DCC: variants seen among roughly 807,000 people sequenced by gnomAD.
The protein encoded by DCC is DCC netrin 1 receptor, also known as netrin receptor DCC.
In DCC, 58 loss-of-function variants were observed where a neutral mutation model predicts 172.5. The observed-to-expected ratio is 0.34, with a 90% CI of 0.27 to 0.42. DCC has a LOEUF of 0.42. Ranked by LOEUF, DCC falls within the 10% of genes least tolerant of loss-of-function variation. DCC has a pLI of 1.00. For missense variants in DCC, 1,740 were observed against 1,791.0 expected (o/e 0.97, Z 0.51); for synonymous variants, 709 against 644.5 (o/e 1.10, Z -1.52).
chr18:52,834,974 T>G (rs943655569), intron 2 of DCC, among the ~76,000 whole-genome samples: 3 of 152,218 alleles, frequency 2.0e-5, no homozygotes, highest in African/African-American at 7.2e-5. Flanking sequence ...TGCTCGATAT[T>G]AAACTATTTC....
intron 1 of DCC, among the ~76,000 whole-genome samples, chr18:52,652,825 AG>A (rs1345592961): frequency 6.6e-6 from 1 of 151,614 alleles, no homozygotes; most frequent in Non-Finnish European, 1.5e-5. Flanking sequence ...TGCCTTCATC[AG>A]GGGACTGGTT....
At chr18:52,957,049 C>G (rs1015803197) in intron 5 of DCC, among the ~76,000 whole-genome samples, 1 of 152,080 alleles carries the variant, frequency 6.6e-6, no homozygotes, top group Admixed American at 6.6e-5. Context: ...AGACAATTCT[C>G]TCAACACTAG....
At position 53,459,374 on chromosome 18, in the gene DCC, C is replaced by T. The variant is rs2045522721; in HGVS notation, c.3535C>T (p.Pro1179Ser). Residue 1179 changes from proline to serine, a missense_variant, in exon 24 of 29, where the codon CCC becomes TCC. Physicochemically the swap from Pro to Ser is moderately conservative, Grantham distance 74. This residue lies in a region of DCC where 1,732 missense variants were observed against 1,767.4 expected (regional missense o/e 0.98). Coordinates refer to ENST00000442544, the MANE Select transcript of DCC (RefSeq NM_005215.4). ...SGTDPAGRDSPIQSCQDLTPV... is the reference protein window; with the variant it reads ...SGTDPAGRDSSIQSCQDLTPV... ...CACTGACCCTGCAGGAAGGGACTCT[C>T]CCATCCAAAGTTGCCAAGACCTCAC... 1.2e-6 allele frequency: 2 copies of T among 1,613,854 alleles called. No individual in the cohort carries two copies. The highest frequency in any genetic ancestry group is 2.7e-5 in the African/African-American group (2 of 74,896).
At chr18:53,160,805 AT>A (rs1359286316) in intron 8 of DCC, among the ~76,000 whole-genome samples, 6 of 152,174 alleles carry the variant, frequency 3.9e-5, no homozygotes, top group African/African-American at 1.4e-4. Flanking sequence ...TTCATGTAAT[AT>A]AAGAAGGGGA....
At chr18:52,474,206 T>TAGAG (rs61277582) in intron 1 of DCC, among the ~76,000 whole-genome samples, 3,255 of 100,596 alleles carry the variant, frequency 0.032, 88 homozygotes, top group African/African-American at 0.09. Flanking sequence ...GTAACAGACC[T>TAGAG]AGAGAGAGAG....
At chr18:52,791,447 T>A (rs1051281972) in intron 2 of DCC, among the ~76,000 whole-genome samples, 2 of 151,842 alleles carry the variant, frequency 1.3e-5, no homozygotes, top group African/African-American at 4.8e-5. Context: ...AGTGGAGGCG[T>A]TCCCCCTGCT....
At chr18:53,141,264 G>A (rs1454008600) in intron 7 of DCC, among the ~76,000 whole-genome samples, 1 of 152,148 alleles carries the variant, frequency 6.6e-6, no homozygotes, top group African/African-American at 2.4e-5. Flanking sequence ...TGAATATAGG[G>A]AATGGGAAAG....
At chr18:52,742,211 T>C (rs1267891567) in intron 1 of DCC, among the ~76,000 whole-genome samples, 1 of 152,216 alleles carries the variant, frequency 6.6e-6, no homozygotes, top group African/African-American at 2.4e-5. Context: ...TATTTTGTTA[T>C]GGCAGCTGAA....
intron 5 of DCC, among the ~76,000 whole-genome samples, chr18:53,040,342 T>G (rs1224800814): frequency 6.6e-6 from 1 of 151,940 alleles, no homozygotes; most frequent in Non-Finnish European, 1.5e-5. Flanking sequence ...GGATTTGGAG[T>G]AAGCCCTATT....
At position 52,814,955 on chromosome 18, in the gene DCC, A is replaced by G. The variant is rs988298180; in HGVS notation, c.412+62581A>G. On this transcript the variant is annotated intron_variant, in intron 2 of 28. Transcript: ENST00000442544. ...ATATTTCTGAGTTGCTTGAAAGACA[A>G]TGGGTCATTCAAATGTGGTGACTCA... Among the ~76,000 whole-genome samples the G allele has an allele frequency of 2.6e-5, 4 of 152,272 alleles. No individual in the cohort carries two copies. In the South Asian group the frequency reaches 6.2e-4, roughly 24 times the overall value.
At chr18:52,583,992 T>C (rs1598932271) in intron 1 of DCC, among the ~76,000 whole-genome samples, 3 of 152,206 alleles carry the variant, frequency 2.0e-5, no homozygotes, top group South Asian at 4.1e-4. Flanking sequence ...TAGAAGCAGA[T>C]AGTGAATGTT....
intron 1 of DCC, among the ~76,000 whole-genome samples, chr18:52,671,103 G>T (rs147555366): frequency 1.3e-5 from 2 of 152,152 alleles, no homozygotes; most frequent in Non-Finnish European, 2.9e-5. Flanking sequence ...AGTGACCCCT[G>T]CTGGGGAGGC....
At chr18:52,841,126 A>G (rs551463303) in intron 2 of DCC, among the ~76,000 whole-genome samples, 1 of 152,230 alleles carries the variant, frequency 6.6e-6, no homozygotes, top group South Asian at 2.1e-4. Context: ...TAATGGTAAG[A>G]CTTGGAGTGA....
At chr18:52,766,057 C>T (rs926388099) in intron 2 of DCC, among the ~76,000 whole-genome samples, 13 of 152,118 alleles carry the variant, frequency 8.5e-5, no homozygotes, top group Admixed American at 5.9e-4. Context: ...GTGGAGGGAG[C>T]GTACAAGTGA....
intron 1 of DCC, among the ~76,000 whole-genome samples, chr18:52,589,990 T>A (rs1292885375): frequency 1.3e-5 from 2 of 152,190 alleles, no homozygotes; most frequent in African/African-American, 4.8e-5. Context: ...ATGGTAAAAA[T>A]CTATGCTTTT....
At chr18:53,059,408 C>T (rs969970426) in intron 5 of DCC, among the ~76,000 whole-genome samples, 5 of 152,004 alleles carry the variant, frequency 3.3e-5, no homozygotes, top group African/African-American at 4.8e-5. Context: ...ATATGTAAGT[C>T]ACGTGTGGAT....
chr18:52,531,364 T>G (rs2032144484), intron 1 of DCC, among the ~76,000 whole-genome samples: 1 of 152,196 alleles, frequency 6.6e-6, no homozygotes, highest in Admixed American at 6.5e-5. Flanking sequence ...TGGAAAAGGC[T>G]GAAGTTCTCT....
chr18:52,587,410 A>G (rs1363950699), intron 1 of DCC, among the ~76,000 whole-genome samples: 2 of 152,194 alleles, frequency 1.3e-5, no homozygotes, highest in Non-Finnish European at 2.9e-5. Context: ...CTTGATTATT[A>G]AAATCCTCCT....
At chr18:53,498,747 T>C (rs1478306885) in intron 26 of DCC, among the ~76,000 whole-genome samples, 3 of 152,330 alleles carry the variant, frequency 2.0e-5, no homozygotes, top group East Asian at 3.9e-4. Context: ...ATCTCTCATA[T>C]AACTTTTTAG....
Sources: allele counts gnomAD v4.1 joint callset (sites outside exome capture counted in the v4.1 genomes callset), GRCh38; gene constraint gnomAD v4.1.1; regional missense constraint gnomAD v4.1.1; transcripts MANE v1.5; gene names NCBI Gene and HGNC (gene_info 2026-07-23, HGNC 2026-07-21).